PITPNM3: variants seen among roughly 807,000 people sequenced by gnomAD.
The protein encoded by PITPNM3 is membrane-associated phosphatidylinositol transfer protein 3.
PITPNM3 carries 26 observed loss-of-function variants against 102.0 expected under a neutral mutation model. The observed-to-expected ratio is 0.25, with a 90% CI of 0.19 to 0.35. The LOEUF is 0.35. Among genes scored for constraint, PITPNM3 ranks in the 10% least tolerant of loss-of-function variants. The pLI is 1.00. For missense variants in PITPNM3, 1,083 were observed against 1,346.1 expected, an observed-to-expected ratio of 0.80 and a Z score of 3.06; for synonymous variants, 578 against 558.6, an observed-to-expected ratio of 1.03 and a Z score of -0.49.
intron 2 of PITPNM3, among the ~76,000 whole-genome samples, chr17:6,530,477 G>A (rs1271267425): frequency 6.6e-6 from 1 of 152,162 alleles, no homozygotes; most frequent in Non-Finnish European, 1.5e-5. Context: ...CCCACCTTGG[G>A]GAGTGGGGGA....
At chr17:6,463,912 A>C in intron 16 of PITPNM3, 31 bp from the exon 17 acceptor site, 4 of 1,612,890 alleles carry the variant, frequency 2.5e-6, no homozygotes, top group Non-Finnish European at 3.4e-6. Flanking sequence ...GTCAGCCGTG[A>C]GGTCAGGGTC....
intron 4 of PITPNM3, among the ~76,000 whole-genome samples, chr17:6,494,081 G>C (rs746625602): frequency 1.3e-5 from 2 of 152,096 alleles, no homozygotes; most frequent in African/African-American, 4.8e-5. Flanking sequence ...GTCCTCATCC[G>C]GTGTCTCAGG....
chr17:6,550,063 T>G (rs1220344522), intron 1 of PITPNM3, among the ~76,000 whole-genome samples: 1 of 152,222 alleles, frequency 6.6e-6, no homozygotes, highest in African/African-American at 2.4e-5. Context: ...GGAAAGAGCC[T>G]GAAGCTCATC....
intron 3 of PITPNM3, among the ~76,000 whole-genome samples, chr17:6,520,255 G>T (rs941725252): frequency 6.6e-6 from 1 of 152,178 alleles, no homozygotes; most frequent in African/African-American, 2.4e-5. Flanking sequence ...TCCATGGTTG[G>T]TGTGCAAATA....
At chr17:6,513,034 A>G (rs1164518715) in intron 3 of PITPNM3, among the ~76,000 whole-genome samples, 1 of 152,100 alleles carries the variant, frequency 6.6e-6, no homozygotes, top group African/African-American at 2.4e-5. Context: ...ATAGAATAAA[A>G]GACAAAAACC....
In PITPNM3 at chr17:6,455,510, C is replaced by T. The variant is rs1391007577; in HGVS notation, c.2753G>A (p.Arg918Gln). Residue 918 changes from arginine to glutamine, a missense_variant, in exon 20 of 20, where the codon CGG becomes CAG. Transcript: ENST00000262483. ...GGTTCTGCGCAGGTGGTTGCGCTTCCGCAGGAACTCTGGCTGCGCGTGCAG... is the reference window on the plus strand; with the variant it reads ...GGTTCTGCGCAGGTGGTTGCGCTTCTGCAGGAACTCTGGCTGCGCGTGCAG... ...FGLHAQPEFL[R>Q]KRNHLRRTMS... is the part of the protein sequence containing the mutation. 6.2e-7 allele frequency: 1 copy of T among 1,605,672 alleles called. No individual in the cohort carries two copies. The highest frequency in any genetic ancestry group is 1.1e-5 in the South Asian group (1 of 91,042).
At position 6,457,564 on chromosome 17, in the gene PITPNM3, C is replaced by A; in HGVS notation, c.2619+30G>T. 6.2e-7 allele frequency: 1 copy of A among 1,613,238 alleles called. No individual in the cohort carries two copies. The highest frequency in any genetic ancestry group is 8.5e-7 in the Non-Finnish European group (1 of 1,179,734). On this transcript the variant is annotated intron_variant, in intron 19 of 19. Coordinates refer to ENST00000262483, the MANE Select transcript of PITPNM3 (RefSeq NM_031220.4). This position sits in a 1 kb window ranked among gnomAD's most constrained non-coding sequence, Gnocchi z 4.7. ...TCCCTTTCCCTGACCTCCCTCACAA[C>A]TCCCCGCCTCCAGCCCCGCCTCCAC...
chr17:6,521,555 A>G (rs1908519105), intron 3 of PITPNM3: 1 of 151,992 alleles, frequency 6.6e-6, no homozygotes, highest in Non-Finnish European at 1.5e-5. Context: ...CAATTGTAAA[A>G]TAATAGTAAT....
rs1905897444 is a variant in PITPNM3 at position 6,483,759 on chromosome 17, G to A, written c.352-7C>T. On this transcript the variant is annotated splice_region_variant and splice_polypyrimidine_tract_variant and intron_variant, in intron 5 of 19. Coordinates refer to ENST00000262483, the MANE Select transcript of PITPNM3 (RefSeq NM_031220.4). ...AGCGCTGCGGGCAGCCTTCCTGAGA[G>A]CCAAGGCGGTTGGAATACAGAGAGA... 2 of 1,610,300 alleles carry A rather than the reference G, an allele frequency of 1.2e-6. No homozygotes were observed. Among genetic ancestry groups the A allele is most frequent in the Non-Finnish European group, 1.7e-6 (2 of 1,179,908 alleles).
Position 6,547,635 on chromosome 17 carries a change from G to T in PITPNM3, c.22+8750C>A, listed in dbSNP as rs114328404. ...TCATGGCAGGACCCCCTTGCAGAGA[G>T]CTGAGAATAGGGGCTCAAGGTCCAG... On this transcript the variant is annotated intron_variant, in intron 1 of 19. Coordinates refer to ENST00000262483, the MANE Select transcript of PITPNM3 (RefSeq NM_031220.4). 2.4e-3 allele frequency among the ~76,000 whole-genome samples: 369 copies of T among 152,348 alleles called. 1 individual carries two copies. The highest frequency in any genetic ancestry group is 8.0e-3 in the African/African-American group (333 of 41,596).
intron 10 of PITPNM3, among the ~76,000 whole-genome samples, chr17:6,473,780 C>T (rs2150727805): frequency 6.6e-6 from 1 of 152,164 alleles, no homozygotes; most frequent in South Asian, 2.1e-4. Context: ...AGTTCGAGAC[C>T]AGCCTGGCCA....
chr17:6,470,238 C>A lies in PITPNM3; in HGVS notation c.1773+22G>T. On this transcript the variant is annotated intron_variant, in intron 13 of 19. Coordinates refer to ENST00000262483, the MANE Select transcript of PITPNM3 (RefSeq NM_031220.4). This position sits in a 1 kb window ranked among gnomAD's most constrained non-coding sequence, Gnocchi z 4.8. ...CCCCCTTGGGGTGGCTGTGGGCAGG[C>A]CCGCGACTGCGGCAGCAGTACCTGT... The A allele has an allele frequency of 6.3e-7, 1 of 1,581,962 alleles. No homozygotes were observed. The highest frequency in any genetic ancestry group is 1.3e-5 in the African/African-American group (1 of 74,550).
At chr17:6,465,506 T>A (rs1182323144) in intron 14 of PITPNM3, among the ~76,000 whole-genome samples, 1 of 152,180 alleles carries the variant, frequency 6.6e-6, no homozygotes, top group Non-Finnish European at 1.5e-5. Context: ...TCTTTTTTTT[T>A]AAGATAAAAT....
At position 6,464,682 on chromosome 17, in the gene PITPNM3, G is replaced by C; in HGVS notation, c.1980C>G (p.Leu660=). The C allele has an allele frequency of 6.2e-7, 1 of 1,614,088 alleles. No individual in the cohort carries two copies. Among genetic ancestry groups the C allele is most frequent in the Non-Finnish European group, 8.5e-7 (1 of 1,180,008 alleles). ...TCTCTCCAGTCAGAGCCACCATGTC[G>C]AGGGGCCCGTACATGAACCGCCCCA... ...VLVGRFMYGP[L]DMVALTGEKV... is the part of the protein sequence containing the mutation. Residue 660 remains leucine (L), a synonymous_variant, in exon 15 of 20, where the codon CTC becomes CTG. Transcript: ENST00000262483.
At chr17:6,494,048 C>T (rs893697233) in intron 4 of PITPNM3, among the ~76,000 whole-genome samples, 1 of 152,212 alleles carries the variant, frequency 6.6e-6, no homozygotes, top group Non-Finnish European at 1.5e-5. Flanking sequence ...AAACACAGCC[C>T]TAAGACTGGT....
At chr17:6,463,427 C>CAGGGAGGGAAGGAGGG (rs1327185111) in intron 17 of PITPNM3, among the ~76,000 whole-genome samples, 1 of 133,740 alleles carries the variant, frequency 7.5e-6, no homozygotes, top group African/African-American at 3.2e-5. Context: ...GGGAGGGAGG[C>CAGGGAGGGAAGGAGGG]AGGGAGGGAA....
chr17:6,525,271 G>T, intron 3 of PITPNM3, 85 bp downstream of exon 3: 1 of 1,226,362 alleles, frequency 8.2e-7, no homozygotes, highest in Non-Finnish European at 1.2e-6. Flanking sequence ...GAAGGCCCAA[G>T]CCCCAGCCCC....
At chr17:6,550,291 T>G (rs1910238201) in intron 1 of PITPNM3, among the ~76,000 whole-genome samples, 1 of 152,224 alleles carries the variant, frequency 6.6e-6, no homozygotes. Flanking sequence ...TTAACCCTAC[T>G]GGGCCTCAGT....
At position 6,470,553 on chromosome 17, in the gene PITPNM3, C is replaced by T. The variant is rs1905020903; in HGVS notation, c.1625-145G>A. 1.9e-6 allele frequency: 2 copies of T among 1,046,798 alleles called. No homozygotes were observed. The highest frequency in any genetic ancestry group is 2.7e-4 in the Middle Eastern group (1 of 3,760). The allele number at this position is 1,046,798 out of a possible 1,614,324, so 64.8% of individuals were successfully genotyped here. A position where few individuals can be genotyped will look rare whatever the true frequency, so the allele number is the denominator to read the frequency against. On this transcript the variant is annotated intron_variant, in intron 12 of 19. Transcript: ENST00000262483. This position sits in a 1 kb window ranked among gnomAD's most constrained non-coding sequence, Gnocchi z 4.8. ...CGGGAGCACCCTGGCCTGGAGGAGG[C>T]CTGGGGAACGCGCTGCTCTTCCTCC...
Sources: gnomAD v4.1 joint callset for allele counts (sites outside exome capture counted in the v4.1 genomes callset) on GRCh38, gnomAD v4.1.1 for gene constraint, Gnocchi (gnomAD v3.1) non-coding constraint, MANE v1.5 for transcripts, NCBI Gene and HGNC (gene_info 2026-07-23, HGNC 2026-07-21) for gene names.